PLEKHA5: variants seen among roughly 807,000 people sequenced by gnomAD.
The protein encoded by PLEKHA5 is pleckstrin homology domain-containing family A member 5.
In PLEKHA5, 55 loss-of-function variants were observed where a neutral mutation model predicts 181.9. That is an observed-to-expected ratio of 0.30 (90% CI 0.24 to 0.38). The LOEUF is 0.38. PLEKHA5 is among the 10% of genes least tolerant of loss of function. The pLI, the probability that PLEKHA5 is intolerant of heterozygous loss-of-function variation, is 1.00. For synonymous variants in PLEKHA5, 535 were observed against 529.4 expected (o/e 1.01, Z -0.15); for missense variants, 1,432 against 1,549.5 (o/e 0.92, Z 1.27).
intron 3 of PLEKHA5, among the ~76,000 whole-genome samples, chr12:19,218,133 T>C (rs2058298328): frequency 6.6e-6 from 1 of 152,120 alleles, no homozygotes; most frequent in African/African-American, 2.4e-5. Flanking sequence ...TGCTGGGACT[T>C]GTTCGAAGCT....
intron 20 of PLEKHA5, among the ~76,000 whole-genome samples, chr12:19,323,863 C>T (rs757653817): frequency 1.9e-4 from 28 of 151,090 alleles, no homozygotes; most frequent in Non-Finnish European, 2.8e-4. Context: ...AACCGTGTAA[C>T]TCATAGTCAT....
At position 19,130,873 on chromosome 12, in the gene PLEKHA5, AGACTGCCAGGAGGCG is replaced by A. The variant is rs2033574485; in HGVS notation, c.169+745_169+759del. 1 of 152,246 alleles carries A rather than the reference AGACTGCCAGGAGGCG, an allele frequency of 6.6e-6. No homozygotes were observed. The highest frequency in any genetic ancestry group is 6.5e-5 in the Admixed American group (1 of 15,290). The allele number at this position is 152,246 out of a possible 1,614,324, so 9.4% of individuals were successfully genotyped here. On this transcript the variant is annotated intron_variant, in intron 2 of 31. Transcript: ENST00000429027. This position sits in a 1 kb window ranked among gnomAD's most constrained non-coding sequence, Gnocchi z 4.5. ...CCCGCCAGCCGCACGGAGGTTGCAC[AGACTGCCAGGAGGCG>A]GTGGGCGTGCGAGGGGGTGTCCCGT...
chr12:19,348,939 G>A (rs1392267451), intron 25 of PLEKHA5, among the ~76,000 whole-genome samples: 1 of 152,116 alleles, frequency 6.6e-6, no homozygotes, highest in Non-Finnish European at 1.5e-5. Flanking sequence ...TCCAGCCTGG[G>A]CAACAGAGCA....
chr12:19,158,847 T>TAC (rs2042354553), intron 3 of PLEKHA5, among the ~76,000 whole-genome samples: 2 of 152,200 alleles, frequency 1.3e-5, no homozygotes, highest in Admixed American at 6.5e-5. Flanking sequence ...TTGGGTGTGA[T>TAC]TTTAACTTGT....
At chr12:19,253,845 T>G in intron 3 of PLEKHA5, 95 bp from the exon 4 acceptor site, 1 of 843,468 alleles carries the variant, frequency 1.2e-6, no homozygotes, top group Non-Finnish European at 1.9e-6. Context: ...AGGCTGGAAG[T>G]TTGAATTTCA....
intron 15 of PLEKHA5, among the ~76,000 whole-genome samples, chr12:19,304,330 G>C (rs1244926817): frequency 6.6e-6 from 1 of 152,202 alleles, no homozygotes; most frequent in Non-Finnish European, 1.5e-5. Flanking sequence ...GATTGAACCA[G>C]GGAGGTGGAG....
At chr12:19,220,748 C>CT (rs796143902) in intron 3 of PLEKHA5, among the ~76,000 whole-genome samples, 47 of 152,032 alleles carry the variant, frequency 3.1e-4, no homozygotes, top group African/African-American at 1.1e-3. Flanking sequence ...AATCTATTGT[C>CT]TAGCAAATTA....
At chr12:19,222,109 A>G (rs1422577154) in intron 3 of PLEKHA5, among the ~76,000 whole-genome samples, 2 of 152,058 alleles carry the variant, frequency 1.3e-5, no homozygotes, top group Middle Eastern at 3.2e-3. Flanking sequence ...TCTAAAATAT[A>G]TATGTGTGTG....
chr12:19,274,876 C>G lies in PLEKHA5; in HGVS notation c.1206C>G (p.Pro402=). ...GTGGAAATCGCCCCAATACAGGGCCCTTATACACAGAGGCCGATCGAGTCA... is the reference window on the plus strand; with the variant it reads ...GTGGAAATCGCCCCAATACAGGGCCGTTATACACAGAGGCCGATCGAGTCA... ...LRGGNRPNTG[P]LYTEADRVIQ... is the part of the protein sequence containing the mutation. The change falls in exon 11 of 32, where the codon CCC becomes CCG. Residue 402 remains proline (P), a synonymous_variant. Transcript: ENST00000429027. 1 of 1,613,854 alleles carries G rather than the reference C, an allele frequency of 6.2e-7. No homozygotes were observed. Among genetic ancestry groups the G allele is most frequent in the Non-Finnish European group, 8.5e-7 (1 of 1,179,910 alleles).
intron 3 of PLEKHA5, among the ~76,000 whole-genome samples, chr12:19,190,355 C>T (rs2050819128): frequency 6.6e-6 from 1 of 152,056 alleles, no homozygotes; most frequent in Admixed American, 6.6e-5. Context: ...TTTCAATTCC[C>T]CAAATAATTT....
chr12:19,217,116 A>G (rs1280582053), intron 3 of PLEKHA5, among the ~76,000 whole-genome samples: 1 of 152,236 alleles, frequency 6.6e-6, no homozygotes, highest in African/African-American at 2.4e-5. Flanking sequence ...CCATGTTGTA[A>G]TTATGATTTT....
At chr12:19,314,048 G>A (rs2087598272) in intron 15 of PLEKHA5, among the ~76,000 whole-genome samples, 1 of 152,030 alleles carries the variant, frequency 6.6e-6, no homozygotes, top group Admixed American at 6.6e-5. Context: ...AGCTTTCTTG[G>A]CCTTTTACTA....
chr12:19,342,039 A>G (rs2093978256), intron 21 of PLEKHA5, among the ~76,000 whole-genome samples: 1 of 152,092 alleles, frequency 6.6e-6, no homozygotes. Flanking sequence ...GGCTGAAAAC[A>G]TATTTCTACC....
rs751909689 is a variant in PLEKHA5, at chr12:19,283,581, A to C, written c.1615A>C (p.Ile539Leu). 24 of 1,613,992 alleles carry C rather than the reference A, an allele frequency of 1.5e-5. No homozygotes were observed. In the African/African-American group the frequency reaches 3.1e-4, roughly 21 times the overall value. ...TLSSPKTMVN[I>L]SDQTMHSIPT... ...GAGTAGTCCCAAAACCATGGTAAAT[A>C]TTTCTGACCAGACAATGCACTCTAT... Residue 539 changes from isoleucine to leucine, a missense_variant, in exon 12 of 32, where the codon ATT (isoleucine) becomes CTT (leucine). Physicochemically the swap from Ile to Leu is conservative, Grantham distance 5. Around this residue, in one of 2 missense-constraint regions of PLEKHA5, gnomAD observed 1,143 missense variants for 1,168.4 expected, o/e 0.98. Transcript: ENST00000429027.
rs568918801 is a variant in PLEKHA5 at position 19,197,162 on chromosome 12, G to A, written c.228-56778G>A. On this transcript the variant is annotated intron_variant, in intron 3 of 31. Transcript: ENST00000429027. ...TCCTGGCAGCGTTCAGCATCGTTGA[G>A]CCTTAACACCCTTTTCTCCTGACTT... 5.3e-5 allele frequency among the ~76,000 whole-genome samples: 8 copies of A among 152,170 alleles called. No homozygotes were observed. In the East Asian group the frequency reaches 1.6e-3, roughly 30 times the overall value.
chr12:19,310,687 C>T (rs1009741239), intron 15 of PLEKHA5, among the ~76,000 whole-genome samples: 2 of 151,476 alleles, frequency 1.3e-5, no homozygotes, highest in Non-Finnish European at 2.9e-5. Flanking sequence ...GAAGCCAAGG[C>T]GGGCGGATTG....
At chr12:19,323,783 T>G (rs1464658610) in intron 20 of PLEKHA5, among the ~76,000 whole-genome samples, 2 of 141,900 alleles carry the variant, frequency 1.4e-5, no homozygotes, top group African/African-American at 5.4e-5. Flanking sequence ...GCCATTGCAC[T>G]CCAGCCTGGG....
intron 15 of PLEKHA5, among the ~76,000 whole-genome samples, chr12:19,299,680 A>T (rs568720314): frequency 1.3e-5 from 2 of 152,258 alleles, no homozygotes; most frequent in Admixed American, 1.3e-4. Context: ...GTTGTTAGGG[A>T]TTAATTGAGG....
intron 31 of PLEKHA5, among the ~76,000 whole-genome samples, chr12:19,373,886 T>C (rs1386897710): frequency 2.0e-5 from 3 of 152,104 alleles, no homozygotes; most frequent in Non-Finnish European, 4.4e-5. Flanking sequence ...ATATTCAGAG[T>C]TAAAACTCAA....
Sources: gnomAD v4.1 joint callset for allele counts (sites outside exome capture counted in the v4.1 genomes callset) on GRCh38, gnomAD v4.1.1 for gene constraint, gnomAD v4.1.1 regional missense constraint, Gnocchi (gnomAD v3.1) non-coding constraint, MANE v1.5 for transcripts, NCBI Gene and HGNC (gene_info 2026-07-23, HGNC 2026-07-21) for gene names.